The following DMRTA2 variants were observed in gnomAD, a reference collection of about 807,000 sequenced individuals.
DMRTA2 encodes the protein doublesex- and mab-3-related transcription factor A2.
In DMRTA2, 10 loss-of-function variants were observed where a neutral mutation model predicts 29.7. The observed-to-expected ratio is 0.34, with a 90% CI of 0.21 to 0.57. The LOEUF (loss-of-function observed/expected upper bound fraction) is 0.57, where lower values mean the gene tolerates loss of function less well. Among genes scored for constraint, DMRTA2 ranks in the 20% least tolerant of loss-of-function variants. The probability of loss-of-function intolerance (pLI) is 0.87; values close to 1 mark genes in which losing one functional copy is unlikely to be tolerated. For synonymous variants in DMRTA2, 469 were observed against 402.6 expected (o/e 1.16, Z -1.97); for missense variants, 783 against 812.1 (o/e 0.96, Z 0.44).
Position 50,422,919 on chromosome 1 carries a change from G to C in DMRTA2, c.-9+197C>G, listed in dbSNP as rs183897570. Among the ~76,000 whole-genome samples, 8 of 152,312 alleles carry C rather than the reference G, an allele frequency of 5.3e-5. No homozygotes were observed. The highest frequency in any genetic ancestry group is 1.9e-4 in the African/African-American group (8 of 41,572). On this transcript the variant is annotated intron_variant, in intron 1 of 2. Transcript: ENST00000404795. The surrounding 1 kb of genome is among the most constrained non-coding windows in gnomAD (Gnocchi z 5.7). ...TGCCGCGGTCTCCTCTGCTTCCCGC[G>C]TTCCCCGTCCCTGCCAGAGCCCGCG...
rs888917046 is a variant in DMRTA2 at position 50,422,225 on chromosome 1, G to T, written c.-8-681C>A. Among the ~76,000 whole-genome samples, 2 of 152,238 alleles carry T rather than the reference G, an allele frequency of 1.3e-5. No individual in the cohort carries two copies. Among genetic ancestry groups the T allele is most frequent in the Non-Finnish European group, 2.9e-5 (2 of 68,042 alleles). On this transcript the variant is annotated intron_variant, in intron 1 of 2. Coordinates refer to ENST00000404795, the MANE Select transcript of DMRTA2 (RefSeq NM_032110.3). The surrounding 1 kb of genome is among the most constrained non-coding windows in gnomAD (Gnocchi z 5.7). The stretch of plus-strand genomic sequence containing the variant: ...GAGGAAACAACTTGGGCAAAGTTAG[G>T]CCCAGTGGCTCTGGGACCCGTAAAA...
Position 50,422,459 on chromosome 1 carries a change from C to T in DMRTA2, c.-9+657G>A, listed in dbSNP as rs1646045935. ...CTGGGTGTCCGGGATCCAGGGGCCG[C>T]GCCTGGGAGAGGGGAATGTGTAAGA... On this transcript the variant is annotated intron_variant, in intron 1 of 2. Coordinates refer to ENST00000404795, the MANE Select transcript of DMRTA2 (RefSeq NM_032110.3). This position sits in a 1 kb window ranked among gnomAD's most constrained non-coding sequence, Gnocchi z 5.7. Among the ~76,000 whole-genome samples the T allele has an allele frequency of 6.6e-6, 1 of 152,082 alleles. No homozygotes were observed. The highest frequency in any genetic ancestry group is 2.4e-5 in the African/African-American group (1 of 41,396).
Position 50,418,740 on chromosome 1 carries a change from C to A in DMRTA2, c.1554G>T (p.Ala518=). ...CGTAGGTCGGCTCCTTGTGCACCGCCGCAGCAGCGGCGGCCGAGCGGTCAC... is the reference window on the plus strand; with the variant it reads ...CGTAGGTCGGCTCCTTGTGCACCGCAGCAGCAGCGGCGGCCGAGCGGTCAC... The part of the protein sequence containing the change: ...LMRDRSAAAA[A]AVHKEPTYGG... Residue 518 remains alanine, a synonymous_variant, in exon 3 of 3, where the codon GCG becomes GCT. Coordinates refer to ENST00000404795, the MANE Select transcript of DMRTA2 (RefSeq NM_032110.3). The A allele has an allele frequency of 6.4e-7, 1 of 1,555,424 alleles. No homozygotes were observed. The highest frequency in any genetic ancestry group is 2.5e-5 in the East Asian group (1 of 39,780).
In DMRTA2 at chr1:50,421,325, G is replaced by A; in HGVS notation, c.212C>T (p.Ala71Val). Residue 71 changes from alanine (A) to valine (V), a missense_variant, in exon 2 of 3, where the codon GCG becomes GTG. Around this residue, in one of 3 missense-constraint regions of DMRTA2, gnomAD observed 76 missense variants for 152.6 expected, o/e 0.50. Coordinates refer to ENST00000404795, the MANE Select transcript of DMRTA2 (RefSeq NM_032110.3). This position sits in a 1 kb window ranked among gnomAD's most constrained non-coding sequence, Gnocchi z 8.7. ...AEKYPRTPKC[A>V]RCRNHGVVSA... ...CACCACGCCATGGTTGCGACAGCGC[G>A]CGCACTTGGGGGTCCGCGGGTACTT... is the stretch of plus-strand genomic sequence containing the variant. The A allele has an allele frequency of 3.3e-6, 5 of 1,529,576 alleles. No homozygotes were observed. Among genetic ancestry groups the A allele is most frequent in the Non-Finnish European group, 4.4e-6 (5 of 1,138,096 alleles). 94.8% of individuals were successfully genotyped at this position (1,529,576 alleles called of 1,614,324 possible).
Position 50,421,309 on chromosome 1 carries a change from A to G in DMRTA2, c.228T>C (p.His76=), listed in dbSNP as rs1176861374. The change falls in exon 2 of 3, where the codon CAT becomes CAC. Residue 76 remains histidine, a synonymous_variant. Transcript: ENST00000404795. The surrounding 1 kb of genome is among the most constrained non-coding windows in gnomAD (Gnocchi z 8.7). ...GGCCCTTGAGGGCCGACACCACGCCATGGTTGCGACAGCGCGCGCACTTGG... is the reference window on the plus strand; with the variant it reads ...GGCCCTTGAGGGCCGACACCACGCCGTGGTTGCGACAGCGCGCGCACTTGG... The part of the protein sequence containing the change: ...RTPKCARCRN[H]GVVSALKGHK... 20 of 1,531,164 alleles carry G rather than the reference A, an allele frequency of 1.3e-5. No homozygotes were observed. The highest frequency in any genetic ancestry group is 2.6e-5 in the East Asian group (1 of 37,910). The allele number at this position is 1,531,164 out of a possible 1,614,324, so 94.8% of individuals were successfully genotyped here. A position where few individuals can be genotyped will look rare whatever the true frequency, so the allele number is the denominator to read the frequency against.
Position 50,421,011 on chromosome 1 carries a change from T to G in DMRTA2, c.526A>C (p.Thr176Pro). Residue 176 changes from threonine to proline, a missense_variant, in exon 2 of 3, where the codon ACC becomes CCC. Transcript: ENST00000404795. The surrounding 1 kb of genome is among the most constrained non-coding windows in gnomAD (Gnocchi z 8.7). ...CCTGCGCCAGCTGCTCCGCCTCCGG[T>G]CCCCGCGGGCGCTCCCGCTCCAGGT... ...GGPGAGAPAG[T>P]GGGAAGAGGS... 6.6e-7 allele frequency: 1 copy of G among 1,507,140 alleles called. No homozygotes were observed. Among genetic ancestry groups the G allele is most frequent in the Non-Finnish European group, 8.8e-7 (1 of 1,134,930 alleles). The allele number at this position is 1,507,140 out of a possible 1,614,324, so 93.4% of individuals were successfully genotyped here. A position where few individuals can be genotyped will look rare whatever the true frequency, so the allele number is the denominator to read the frequency against.
rs1240224757 is a variant in DMRTA2, at chr1:50,421,297, C to G, written c.240G>C (p.Ser80=). 4.6e-6 allele frequency: 7 copies of G among 1,532,300 alleles called. No individual in the cohort carries two copies. The highest frequency in any genetic ancestry group is 6.1e-6 in the Non-Finnish European group (7 of 1,139,066). The allele number at this position is 1,532,300 out of a possible 1,614,324, so 94.9% of individuals were successfully genotyped here. The change falls in exon 2 of 3, where the codon TCG becomes TCC. Residue 80 remains serine, a synonymous_variant. Coordinates refer to ENST00000404795, the MANE Select transcript of DMRTA2 (RefSeq NM_032110.3). The surrounding 1 kb of genome is among the most constrained non-coding windows in gnomAD (Gnocchi z 8.7). ...AGTAGCGTTTGTGGCCCTTGAGGGC[C>G]GACACCACGCCATGGTTGCGACAGC... ...CARCRNHGVV[S]ALKGHKRYCR... is the part of the protein sequence containing the mutation.
chr1:50,420,892 C>G lies in DMRTA2; in HGVS notation c.559+86G>C, dbSNP rs1482399000. The G allele has an allele frequency of 1.4e-6, 2 of 1,385,280 alleles. No homozygotes were observed. The highest frequency in any genetic ancestry group is 1.9e-6 in the Non-Finnish European group (2 of 1,077,846). The allele number at this position is 1,385,280 out of a possible 1,614,324, so 85.8% of individuals were successfully genotyped here. ...GGCGACTGGACACGGGGGTTCTACT[C>G]TTTCTGAACCGAGACAAGCCCCTGG... On this transcript the variant is annotated intron_variant, in intron 2 of 2. Coordinates refer to ENST00000404795, the MANE Select transcript of DMRTA2 (RefSeq NM_032110.3). The surrounding 1 kb of genome is among the most constrained non-coding windows in gnomAD (Gnocchi z 4.1).
rs1324775377 is a variant in DMRTA2 at position 50,421,559 on chromosome 1, G to A, written c.-8-15C>T. ...CATGACAGGACCTGACGGGAAAGAA[G>A]GTGGGAGAGGGGAGAGACCTGGTGA... On this transcript the variant is annotated splice_polypyrimidine_tract_variant and intron_variant, in intron 1 of 2. Coordinates refer to ENST00000404795, the MANE Select transcript of DMRTA2 (RefSeq NM_032110.3). The surrounding 1 kb of genome is among the most constrained non-coding windows in gnomAD (Gnocchi z 8.7). 8.1e-7 allele frequency: 1 copy of A among 1,241,694 alleles called. No individual in the cohort carries two copies. The highest frequency in any genetic ancestry group is 1.0e-6 in the Non-Finnish European group (1 of 995,836). 76.9% of individuals were successfully genotyped at this position (1,241,694 alleles called of 1,614,324 possible).
Position 50,419,466 on chromosome 1 carries a change from G to A in DMRTA2, c.828C>T (p.Asp276=). 1 of 1,596,232 alleles carries A rather than the reference G, an allele frequency of 6.3e-7. No individual in the cohort carries two copies. The highest frequency in any genetic ancestry group is 8.5e-7 in the Non-Finnish European group (1 of 1,176,838). The change falls in exon 3 of 3, where the codon GAC becomes GAT. Residue 276 remains aspartate (D), a synonymous_variant. Transcript: ENST00000404795. This position sits in a 1 kb window ranked among gnomAD's most constrained non-coding sequence, Gnocchi z 6.1. ...SAGPGGGGEE[D]SPGSASPLGS... The stretch of plus-strand genomic sequence containing the variant: ...CCAGAGGGCTAGCGGAGCCCGGGCT[G>A]TCCTCCTCGCCGCCGCCGCCAGGGC...
At position 50,419,055 on chromosome 1, in the gene DMRTA2, A is replaced by AGGTGCGGC; in HGVS notation, c.1231_1238dup (p.His416LeufsTer20). 7.6e-7 allele frequency: 1 copy of AGGTGCGGC among 1,310,060 alleles called. No homozygotes were observed. The highest frequency in any genetic ancestry group is 9.7e-7 in the Non-Finnish European group (1 of 1,033,018). 81.2% of individuals were successfully genotyped at this position (1,310,060 alleles called of 1,614,324 possible). A position where few individuals can be genotyped will look rare whatever the true frequency, so the allele number is the denominator to read the frequency against. On this transcript the variant is annotated frameshift_variant, in exon 3 of 3. Transcript: ENST00000404795. LOFTEE classifies it high-confidence loss of function. The surrounding 1 kb of genome is among the most constrained non-coding windows in gnomAD (Gnocchi z 6.1). Reference sequence around the variant, plus strand: ...CGGCCAGCAAGGGTCTGTGGTGCGGAGGTGCGGCGGGCCCCGCCTGCAGCG... The same window carrying AGGTGCGGC: ...CGGCCAGCAAGGGTCTGTGGTGCGGAGGTGCGGCGGTGCGGCGGGCCCCGCCTGCAGCG...
Position 50,422,817 on chromosome 1 carries a change from A to T in DMRTA2, c.-9+299T>A, listed in dbSNP as rs1302206900. On this transcript the variant is annotated intron_variant, in intron 1 of 2. Transcript: ENST00000404795. This position sits in a 1 kb window ranked among gnomAD's most constrained non-coding sequence, Gnocchi z 5.7. ...CCAAGCCAGGGGAGTCGCCTTCGCAACTGGCCATAAACGGACACCAGAGTC... is the reference window on the plus strand; with the variant it reads ...CCAAGCCAGGGGAGTCGCCTTCGCATCTGGCCATAAACGGACACCAGAGTC... Among the ~76,000 whole-genome samples the T allele has an allele frequency of 6.6e-6, 1 of 152,076 alleles. No individual in the cohort carries two copies. The highest frequency in any genetic ancestry group is 1.9e-4 in the East Asian group (1 of 5,164).
In DMRTA2 at chr1:50,421,471, C is replaced by G; in HGVS notation, c.66G>C (p.Thr22=). The change falls in exon 2 of 3, where the codon ACG becomes ACC. Residue 22 remains threonine (T), a synonymous_variant. Coordinates refer to ENST00000404795, the MANE Select transcript of DMRTA2 (RefSeq NM_032110.3). This position sits in a 1 kb window ranked among gnomAD's most constrained non-coding sequence, Gnocchi z 8.7. ...ACGCCACCGACGCCACAGGCGGCCC[C>G]GTCGCTGTTGCCGCCGCCGCCGTCG... ...GAATAAAATA[T]GPPVASVASV... is the part of the protein sequence containing the mutation. 1 of 1,285,106 alleles carries G rather than the reference C, an allele frequency of 7.8e-7. No individual in the cohort carries two copies. The highest frequency in any genetic ancestry group is 9.8e-7 in the Non-Finnish European group (1 of 1,022,264). 79.6% of individuals were successfully genotyped at this position (1,285,106 alleles called of 1,614,324 possible).
At position 50,421,276 on chromosome 1, in the gene DMRTA2, G is replaced by A; in HGVS notation, c.261C>T (p.Arg87=). ...GVVSALKGHK[R]YCRWKDCLCA... ...ACAGGCAGTCCTTCCAGCGACAGTA[G>A]CGTTTGTGGCCCTTGAGGGCCGACA... The change falls in exon 2 of 3, where the codon CGC becomes CGT. Residue 87 remains arginine, a synonymous_variant. Transcript: ENST00000404795. This position sits in a 1 kb window ranked among gnomAD's most constrained non-coding sequence, Gnocchi z 8.7. 1.3e-6 allele frequency: 2 copies of A among 1,536,968 alleles called. No homozygotes were observed. The highest frequency in any genetic ancestry group is 2.4e-5 in the South Asian group (2 of 83,140).
At position 50,421,810 on chromosome 1, in the gene DMRTA2, GA is replaced by G. The variant is rs949754786; in HGVS notation, c.-8-267del. On this transcript the variant is annotated intron_variant, in intron 1 of 2. Transcript: ENST00000404795. The surrounding 1 kb of genome is among the most constrained non-coding windows in gnomAD (Gnocchi z 8.7). ...TTTGTCTGAATTAGTGATTCCGCTG[GA>G]AAAAATAAAGAGACATGTAAAGTGT... Among the ~76,000 whole-genome samples, 1 of 152,156 alleles carries G rather than the reference GA, an allele frequency of 6.6e-6. No homozygotes were observed. The highest frequency in any genetic ancestry group is 1.9e-4 in the East Asian group (1 of 5,192).
Position 50,418,976 on chromosome 1 carries a change from G to T in DMRTA2, c.1318C>A (p.Pro440Thr). 7.0e-7 allele frequency: 1 copy of T among 1,437,908 alleles called. No individual in the cohort carries two copies. The highest frequency in any genetic ancestry group is 1.4e-5 in the South Asian group (1 of 71,174). 89.1% of individuals were successfully genotyped at this position (1,437,908 alleles called of 1,614,324 possible). A position where few individuals can be genotyped will look rare whatever the true frequency, so the allele number is the denominator to read the frequency against. Residue 440 changes from proline (P) to threonine (T), a missense_variant, in exon 3 of 3, where the codon CCG becomes ACG. By Grantham distance (38) the Pro-to-Thr change is conservative. This residue lies in a region of DMRTA2 where 667 missense variants were observed against 624.8 expected (regional missense o/e 1.07). Transcript: ENST00000404795. ...GSLSSRSAFSPLQPNASHFGA... is the reference protein window; with the variant it reads ...GSLSSRSAFSTLQPNASHFGA... Reference sequence around the variant, plus strand: ...AAGTGACTGGCGTTGGGCTGCAGCGGCGAGAAGGCCGAGCGGCTGCTCAGC... The same window carrying T: ...AAGTGACTGGCGTTGGGCTGCAGCGTCGAGAAGGCCGAGCGGCTGCTCAGC...
In DMRTA2 at chr1:50,421,126, C is replaced by T. The variant is rs1369239454; in HGVS notation, c.411G>A (p.Glu137=). 13 of 1,528,502 alleles carry T rather than the reference C, an allele frequency of 8.5e-6. No individual in the cohort carries two copies. Among genetic ancestry groups the T allele is most frequent in the South Asian group, 1.2e-5 (1 of 82,860 alleles). The allele number at this position is 1,528,502 out of a possible 1,614,324, so 94.7% of individuals were successfully genotyped here. Residue 137 remains glutamate (E), a synonymous_variant, in exon 2 of 3, where the codon GAG becomes GAA. Coordinates refer to ENST00000404795, the MANE Select transcript of DMRTA2 (RefSeq NM_032110.3). The surrounding 1 kb of genome is among the most constrained non-coding windows in gnomAD (Gnocchi z 8.7). ...CGTTGGCGGCGGCCAGCGCCAGCCC[C>T]TCGGCAGTGCCGTAGAGCAGCTGCA... ...RELQLLYGTA[E]GLALAAANGI...
Position 50,423,315 on chromosome 1 carries a change from G to A in DMRTA2, c.-208C>T, listed in dbSNP as rs1646052926. On this transcript the variant is annotated 5_prime_UTR_variant, in exon 1 of 3. Transcript: ENST00000404795. Reference sequence around the variant, plus strand: ...ACCCTCCCTTCAGAAATCCGGGTCGGAGGCTCGTCTGCGGGCCGCGTGGTT... The same window carrying A: ...ACCCTCCCTTCAGAAATCCGGGTCGAAGGCTCGTCTGCGGGCCGCGTGGTT... 6.6e-6 allele frequency: 1 copy of A among 152,358 alleles called. No homozygotes were observed. The highest frequency in any genetic ancestry group is 2.4e-5 in the African/African-American group (1 of 41,584). 9.4% of individuals were successfully genotyped at this position (152,358 alleles called of 1,614,324 possible).
chr1:50,418,867 T>TGCG lies in DMRTA2; in HGVS notation c.1424_1426dup (p.Ala475_His476insPro). 1 of 1,533,386 alleles carries TGCG rather than the reference T, an allele frequency of 6.5e-7. No homozygotes were observed. The highest frequency in any genetic ancestry group is 8.7e-7 in the Non-Finnish European group (1 of 1,146,698). The allele number at this position is 1,533,386 out of a possible 1,614,324, so 95.0% of individuals were successfully genotyped here. The stretch of plus-strand genomic sequence containing the variant: ...CGCCATGAAGGCCAGACCGCGGCTG[T>TGCG]GCGCCGCCGCCGCGGAGTAGGCCAG... On this transcript the variant is annotated inframe_insertion, in exon 3 of 3. Transcript: ENST00000404795.
Sources: allele counts gnomAD v4.1 joint callset (sites outside exome capture counted in the v4.1 genomes callset), GRCh38; gene constraint gnomAD v4.1.1; regional missense constraint gnomAD v4.1.1; non-coding constraint Gnocchi (gnomAD v3.1); transcripts MANE v1.5; gene names NCBI Gene and HGNC (gene_info 2026-07-23, HGNC 2026-07-21).